NIBAN1: variants seen among roughly 807,000 people sequenced by gnomAD.
NIBAN1 encodes the protein protein Niban 1.
In NIBAN1, 81 loss-of-function variants were observed where a neutral mutation model predicts 75.1. The ratio of observed to expected loss-of-function variants is 1.08; its 90% CI spans 0.90 to 1.30. NIBAN1 has a LOEUF of 1.30. NIBAN1 is among the 50% of genes most tolerant of loss of function. NIBAN1 has a pLI of 0.00. For missense variants in NIBAN1, 1,133 were observed against 1,128.1 expected (o/e 1.00, Z -0.06); for synonymous variants, 436 against 424.8 (o/e 1.03, Z -0.32).
chr1:184,867,859 CT>C, intron 5 of NIBAN1: 1 of 985,456 alleles, frequency 1.0e-6, no homozygotes. Context: ...ACAGTAGACC[CT>C]TACCTTAATA....
chr1:184,878,070 T>G (rs1371417038), intron 5 of NIBAN1, among the ~76,000 whole-genome samples: 1 of 152,152 alleles, frequency 6.6e-6, no homozygotes, highest in Non-Finnish European at 1.5e-5. Flanking sequence ...GGGGTGGAAG[T>G]CTGTGATTGC....
intron 5 of NIBAN1, among the ~76,000 whole-genome samples, chr1:184,833,809 T>TG (rs1365402057): frequency 2.0e-5 from 3 of 150,716 alleles, no homozygotes; most frequent in Admixed American, 2.0e-4. Context: ...AATTAAATTT[T>TG]GAAAAAAGAG....
chr1:184,809,164 T>G (rs987194280), intron 9 of NIBAN1, among the ~76,000 whole-genome samples: 1 of 152,156 alleles, frequency 6.6e-6, no homozygotes, highest in Non-Finnish European at 1.5e-5. Context: ...ATTTCTAGAT[T>G]TCTCTAAACA....
At chr1:184,968,071 C>T (rs530821040) in intron 1 of NIBAN1, among the ~76,000 whole-genome samples, 2 of 54,698 alleles carry the variant, frequency 3.7e-5, no homozygotes, top group African/African-American at 1.2e-4. Flanking sequence ...GGCGCGGTGG[C>T]GGGGGCCTGT....
chr1:184,879,263 T>C (rs1656313780), intron 5 of NIBAN1, among the ~76,000 whole-genome samples: 1 of 152,214 alleles, frequency 6.6e-6, no homozygotes, highest in Admixed American at 6.5e-5. Flanking sequence ...CAAAGATATG[T>C]TCATGACAAT....
intron 9 of NIBAN1, among the ~76,000 whole-genome samples, chr1:184,808,903 G>A (rs1297560445): frequency 1.3e-5 from 2 of 152,192 alleles, no homozygotes; most frequent in African/African-American, 2.4e-5. Flanking sequence ...ACCTGCTAAA[G>A]CCCTAAAGTG....
chr1:184,960,484 C>G (rs1283867008), intron 1 of NIBAN1, among the ~76,000 whole-genome samples: 2 of 152,166 alleles, frequency 1.3e-5, no homozygotes, highest in Non-Finnish European at 2.9e-5. Context: ...ATTTATCTGT[C>G]AGGAACTGTG....
intron 1 of NIBAN1, among the ~76,000 whole-genome samples, chr1:184,949,169 C>T (rs909813989): frequency 3.3e-5 from 5 of 151,900 alleles, no homozygotes; most frequent in South Asian, 2.1e-4. Flanking sequence ...CTGGCTAACA[C>T]GGTGAAACCC....
In NIBAN1 at chr1:184,823,696, G is replaced by A. The variant is rs746429677; in HGVS notation, c.764C>T (p.Thr255Ile). ...VMEELLPTLQ[T>I]DLLPKMKGKK... ...CCCCTTCATCTTAGGCAGCAGGTCT[G>A]TCTGAAGAGTGGGCAGGAGCTCCTC... The change falls in exon 7 of 14, where the codon ACA becomes ATA. Residue 255 changes from threonine (T) to isoleucine (I), a missense_variant. Transcript: ENST00000367511. 2 of 1,614,160 alleles carry A rather than the reference G, an allele frequency of 1.2e-6. No individual in the cohort carries two copies. The highest frequency in any genetic ancestry group is 1.7e-6 in the Non-Finnish European group (2 of 1,179,996).
At chr1:184,837,549 A>T (rs924123160) in intron 5 of NIBAN1, among the ~76,000 whole-genome samples, 9 of 152,138 alleles carry the variant, frequency 5.9e-5, no homozygotes, top group African/African-American at 2.2e-4. Context: ...TAAATAATAG[A>T]CTATGAGAGT....
At chr1:184,956,091 A>G (rs1289204104) in intron 1 of NIBAN1, among the ~76,000 whole-genome samples, 2 of 151,844 alleles carry the variant, frequency 1.3e-5, no homozygotes, top group Non-Finnish European at 2.9e-5. Flanking sequence ...CAGTTGTGCA[A>G]TCACAGCTCA....
intron 8 of NIBAN1, among the ~76,000 whole-genome samples, chr1:184,819,962 C>A (rs1571490418): frequency 6.6e-6 from 1 of 152,134 alleles, no homozygotes; most frequent in East Asian, 1.9e-4. Context: ...TGTGCAGGAC[C>A]AGATCATGGC....
chr1:184,964,108 T>G (rs999499197), intron 1 of NIBAN1, among the ~76,000 whole-genome samples: 2 of 150,172 alleles, frequency 1.3e-5, no homozygotes, highest in African/African-American at 4.9e-5. Flanking sequence ...TTCCAGTCAA[T>G]GAGTTCAGTT....
intron 1 of NIBAN1, among the ~76,000 whole-genome samples, chr1:184,956,802 A>G (rs59883756): frequency 1.8e-3 from 269 of 152,284 alleles, no homozygotes; most frequent in African/African-American, 6.3e-3. Flanking sequence ...CATGCACTAG[A>G]TGAAAAGAGT....
rs773348294 is a variant in NIBAN1, at chr1:184,840,977, GTA to G, written c.602-9017_602-9016del. Among the ~76,000 whole-genome samples the G allele has an allele frequency of 5.1e-3, 777 of 151,576 alleles. 9 individuals are homozygous for G. Among genetic ancestry groups the G allele is most frequent in the East Asian group, 0.038 (199 of 5,170 alleles). ...TGTGAGTGTGTGTGTGTGTGTGTGT[GTA>G]TGTGTATTATAGTTATTAAATTTTC... is the stretch of plus-strand genomic sequence containing the variant. On this transcript the variant is annotated intron_variant, in intron 5 of 13. Transcript: ENST00000367511.
At chr1:184,958,820 TCTC>T (rs975975680) in intron 1 of NIBAN1, among the ~76,000 whole-genome samples, 2 of 152,218 alleles carry the variant, frequency 1.3e-5, no homozygotes, top group African/African-American at 4.8e-5. Flanking sequence ...CTAATTTAAT[TCTC>T]CTCTCTAACA....
intron 1 of NIBAN1, among the ~76,000 whole-genome samples, chr1:184,924,174 A>G (rs77862099): frequency 0.018 from 2,718 of 151,918 alleles, 48 homozygotes; most frequent in South Asian, 0.047. Flanking sequence ...AAAGGATTTC[A>G]TGTGGACCTG....
intron 5 of NIBAN1, among the ~76,000 whole-genome samples, chr1:184,844,569 C>A (rs983365863): frequency 1.3e-5 from 2 of 151,956 alleles, no homozygotes; most frequent in African/African-American, 4.8e-5. Context: ...ATGTCATTGC[C>A]CAAGGTCATA....
intron 5 of NIBAN1, among the ~76,000 whole-genome samples, chr1:184,862,280 C>T (rs1051401668): frequency 2.6e-5 from 4 of 151,762 alleles, no homozygotes; most frequent in African/African-American, 7.3e-5. Context: ...GCTTCCTAGT[C>T]GATGCTCCAT....
Sources: gnomAD v4.1 joint callset for allele counts (sites outside exome capture counted in the v4.1 genomes callset) on GRCh38, gnomAD v4.1.1 for gene constraint, MANE v1.5 for transcripts, NCBI Gene and HGNC (gene_info 2026-07-23, HGNC 2026-07-21) for gene names.